LY75: variants seen among roughly 807,000 people sequenced by gnomAD.
LY75 encodes the protein lymphocyte antigen 75.
A neutral mutation model predicts 231.7 loss-of-function variants in LY75; 185 were observed. That is an observed-to-expected ratio of 0.80 (90% CI 0.71 to 0.90). The LOEUF (loss-of-function observed/expected upper bound fraction) is 0.90. Ranked by LOEUF, LY75 falls within the 40% of genes least tolerant of loss-of-function variation. LY75 has a pLI of 0.00. For synonymous variants in LY75, 668 were observed against 689.0 expected (o/e 0.97, Z 0.48); for missense variants, 1,947 against 2,050.2 (o/e 0.95, Z 0.97).
At chr2:159,890,124 C>T (rs890984646) in intron 4 of LY75, 89 bp downstream of exon 4, 10 of 1,508,356 alleles carry the variant, frequency 6.6e-6, no homozygotes, top group Non-Finnish European at 8.8e-6. Context: ...AAGTTACATA[C>T]AAAGAAACAC....
intron 22 of LY75, 75 bp from the exon 23 acceptor site, chr2:159,850,215 TTTTG>T (rs776666079): frequency 5.2e-5 from 79 of 1,517,274 alleles, no homozygotes; most frequent in Non-Finnish European, 4.1e-5. Flanking sequence ...AATGAATATA[TTTTG>T]TTTATCTATC....
intron 3 of LY75, among the ~76,000 whole-genome samples, chr2:159,891,852 T>C (rs1219311280): frequency 1.3e-5 from 2 of 152,366 alleles, no homozygotes; most frequent in East Asian, 3.9e-4. Flanking sequence ...GGGGTTTACA[T>C]TGGATTACCT....
intron 12 of LY75, among the ~76,000 whole-genome samples, chr2:159,875,206 T>G (rs915951047): frequency 6.6e-6 from 1 of 151,580 alleles, no homozygotes; most frequent in Non-Finnish European, 1.5e-5. Context: ...AAAAAAGACC[T>G]TGGGGTGGAG....
At chr2:159,886,268 T>G in intron 5 of LY75, 152 bp downstream of exon 5, 1 of 789,214 alleles carries the variant, frequency 1.3e-6, no homozygotes, top group Non-Finnish European at 1.8e-6. Flanking sequence ...GTACCACAAT[T>G]AAGAATGGTT....
chr2:159,895,325 C>G (rs576404499), intron 2 of LY75, among the ~76,000 whole-genome samples: 101 of 152,120 alleles, frequency 6.6e-4, no homozygotes, highest in Non-Finnish European at 1.1e-3. Context: ...GTGTGTTGAC[C>G]TTATATTTTA....
At chr2:159,817,157 A>C (rs1372963806) in intron 29 of LY75, 125 bp from the exon 30 acceptor site, 11 of 1,010,016 alleles carry the variant, frequency 1.1e-5, no homozygotes, top group Non-Finnish European at 1.4e-5. Flanking sequence ...AAGGGAGGTC[A>C]AATGTATATT....
At chr2:159,828,896 C>G (rs949558382) in intron 28 of LY75, among the ~76,000 whole-genome samples, 1 of 152,000 alleles carries the variant, frequency 6.6e-6, no homozygotes, top group Non-Finnish European at 1.5e-5. Context: ...GCCAGTCACA[C>G]GCAAAAAGCA....
At chr2:159,868,917 G>A (rs933988613) in intron 13 of LY75, among the ~76,000 whole-genome samples, 1 of 152,144 alleles carries the variant, frequency 6.6e-6, no homozygotes, top group African/African-American at 2.4e-5. Context: ...TATTGGTGGT[G>A]TATTTGAAAG....
intron 29 of LY75, among the ~76,000 whole-genome samples, chr2:159,818,437 C>T (rs866328053): frequency 1.4e-4 from 21 of 152,160 alleles, no homozygotes; most frequent in African/African-American, 4.1e-4. Context: ...AACTGAGGGA[C>T]GTTCTACCAA....
intron 16 of LY75, among the ~76,000 whole-genome samples, chr2:159,855,290 A>G (rs563929296): frequency 6.6e-6 from 1 of 152,362 alleles, no homozygotes; most frequent in African/African-American, 2.4e-5. Flanking sequence ...ACACAGAAGC[A>G]TAAGAAGTAG....
At chr2:159,862,803 T>G (rs1193825452) in intron 14 of LY75, among the ~76,000 whole-genome samples, 2 of 152,208 alleles carry the variant, frequency 1.3e-5, no homozygotes, top group East Asian at 3.8e-4. Flanking sequence ...CACAGTTATT[T>G]CTGTGGTGAG....
At chr2:159,863,055 G>T (rs569756341) in intron 14 of LY75, among the ~76,000 whole-genome samples, 4 of 146,790 alleles carry the variant, frequency 2.7e-5, no homozygotes, top group African/African-American at 1.0e-4. Flanking sequence ...GTGATATCAC[G>T]TGGCATTTGT....
At chr2:159,889,280 G>A (rs1293278963) in intron 4 of LY75, among the ~76,000 whole-genome samples, 1 of 152,086 alleles carries the variant, frequency 6.6e-6, no homozygotes, top group Non-Finnish European at 1.5e-5. Flanking sequence ...TCAGGCTGGA[G>A]TGCAGTGATG....
chr2:159,826,639 G>A lies in LY75; in HGVS notation c.3958+5031C>T, dbSNP rs139118026. Reference sequence around the variant, plus strand: ...TTCATATGGAACCAAAAAAGAGCCCGGATAGCCAAGACAATCCTGGACAAG... The same window carrying A: ...TTCATATGGAACCAAAAAAGAGCCCAGATAGCCAAGACAATCCTGGACAAG... On this transcript the variant is annotated intron_variant, in intron 28 of 34. Coordinates refer to ENST00000263636, the MANE Select transcript of LY75 (RefSeq NM_002349.4). Among the ~76,000 whole-genome samples, 608 of 152,198 alleles carry A rather than the reference G, an allele frequency of 4.0e-3. 4 individuals are homozygous for A. Among genetic ancestry groups the A allele is most frequent in the African/African-American group, 0.014 (571 of 41,512 alleles).
chr2:159,885,214 G>C lies in LY75; in HGVS notation c.993C>G (p.Ser331=). The C allele has an allele frequency of 6.2e-7, 1 of 1,613,680 alleles. No homozygotes were observed. Among genetic ancestry groups the C allele is most frequent in the Non-Finnish European group, 8.5e-7 (1 of 1,179,712 alleles). Residue 331 remains serine (S), a synonymous_variant, in exon 6 of 35, where the codon TCC becomes TCG. Coordinates refer to ENST00000263636, the MANE Select transcript of LY75 (RefSeq NM_002349.4). ...AGACATAGGGCAGTTGAGCTTCACAGGAAAAGCTCTGCCACAGACCAGACT... is the reference window on the plus strand; with the variant it reads ...AGACATAGGGCAGTTGAGCTTCACACGAAAAGCTCTGCCACAGACCAGACT... ...DAESGLWQSF[S]CEAQLPYVCR...
Position 159,819,721 on chromosome 2 carries a change from C to T in LY75, c.4153+5G>A, listed in dbSNP as rs1438438985. On this transcript the variant is annotated splice_donor_5th_base_variant and intron_variant, in intron 29 of 34. Transcript: ENST00000263636. ...AAAGAAAACTCTATATTTTACTATA[C>T]TTACCCATTTCAATTTTACAAGCAA... 3.7e-6 allele frequency: 6 copies of T among 1,606,620 alleles called. No individual in the cohort carries two copies. The highest frequency in any genetic ancestry group is 3.6e-4 in the Middle Eastern group (2 of 5,630).
At position 159,858,405 on chromosome 2, in the gene LY75, A is replaced by C. The variant is rs1391998021; in HGVS notation, c.2340T>G (p.Phe780Leu). The change falls in exon 16 of 35, where the codon TTT (phenylalanine) becomes TTG (leucine). Residue 780 changes from phenylalanine (F) to leucine (L), a missense_variant. By Grantham distance (22) the Phe-to-Leu change is conservative (BLOSUM62 0). Coordinates refer to ENST00000263636, the MANE Select transcript of LY75 (RefSeq NM_002349.4). ...CCCATTCAAGTTTTGTATCACAAGC[A>C]AAAGGCCTCAAATAAATAAATTCTC... The part of the protein sequence containing the change: ...DDREFIYLRP[F>L]ACDTKLEWVC... 2 of 1,613,714 alleles carry C rather than the reference A, an allele frequency of 1.2e-6. No homozygotes were observed. The highest frequency in any genetic ancestry group is 2.2e-5 in the South Asian group (2 of 91,022).
chr2:159,903,861 GCTGT>G (rs1009431714), intron 1 of LY75, among the ~76,000 whole-genome samples: 4 of 152,218 alleles, frequency 2.6e-5, no homozygotes, highest in African/African-American at 7.2e-5. Context: ...ATCAATGAAG[GCTGT>G]CTGTTTCTGG....
chr2:159,894,543 G>T (rs1685854568), intron 2 of LY75, among the ~76,000 whole-genome samples: 1 of 152,246 alleles, frequency 6.6e-6, no homozygotes, highest in African/African-American at 2.4e-5. Flanking sequence ...ACCACTGAGG[G>T]TGGGTGTGGA....
Sources: gnomAD v4.1 joint callset for allele counts (sites outside exome capture counted in the v4.1 genomes callset) on GRCh38, gnomAD v4.1.1 for gene constraint, MANE v1.5 for transcripts, NCBI Gene and HGNC (gene_info 2026-07-23, HGNC 2026-07-21) for gene names.